Variants in ROBO2 observed in about 807,000 individuals in gnomAD.
ROBO2 encodes the protein roundabout guidance receptor 2.
A neutral mutation model predicts 160.8 loss-of-function variants in ROBO2; 53 were observed. That is an observed-to-expected ratio of 0.33 (90% CI 0.26 to 0.41). The LOEUF is 0.41. ROBO2 is among the 10% of genes least tolerant of loss of function. ROBO2 has a pLI of 1.00. For synonymous variants in ROBO2, 664 were observed against 611.7 expected, an observed-to-expected ratio of 1.09 and a Z score of -1.26; for missense variants, 1,577 against 1,722.4, an observed-to-expected ratio of 0.92 and a Z score of 1.49.
At chr3:77,558,219 A>G in intron 9 of ROBO2, 70 bp downstream of exon 10, 2 of 1,282,236 alleles carry the variant, frequency 1.6e-6, no homozygotes, top group Non-Finnish European at 2.3e-6. Context: ...AAAATTGCAT[A>G]GTGAACTTAA....
At chr3:77,428,337 ATAT>A (rs2078414371) in intron 2 of ROBO2, among the ~76,000 whole-genome samples, 1 of 128,224 alleles carries the variant, frequency 7.8e-6, no homozygotes, top group African/African-American at 3.0e-5. Context: ...AACTTAGGTA[ATAT>A]TTTTTTTTTT....
intron 1 of ROBO2, among the ~76,000 whole-genome samples, chr3:77,084,411 C>T (rs1375163239): frequency 6.6e-6 from 1 of 152,058 alleles, no homozygotes; most frequent in Non-Finnish European, 1.5e-5. Flanking sequence ...AGGCAACTTC[C>T]TACATTTTAG....
intron 2 of ROBO2, among the ~76,000 whole-genome samples, chr3:76,654,835 T>G (rs1215430764): frequency 1.6e-5 from 2 of 122,404 alleles, no homozygotes; most frequent in African/African-American, 6.2e-5. Context: ...TCCTTGATTA[T>G]AATTTTTTTA....
chr3:77,433,363 C>A (rs912503690), intron 2 of ROBO2, among the ~76,000 whole-genome samples: 3 of 151,150 alleles, frequency 2.0e-5, no homozygotes, highest in Non-Finnish European at 4.4e-5. Context: ...GTATTGTGTT[C>A]TATTATTCTA....
rs190508294 is a variant in ROBO2 at position 77,294,455 on chromosome 3, T to A, written c.389-182959T>A. On this transcript the variant is annotated intron_variant, in intron 2 of 25. Coordinates refer to ENST00000461745, the Ensembl canonical transcript of ROBO2. The stretch of plus-strand genomic sequence containing the variant: ...AGCCTAGATCCCTAAAGACATAAAG[T>A]AAAATTGACGGGTAAACGGGTAAGC... Among the ~76,000 whole-genome samples the A allele has an allele frequency of 3.9e-4, 54 of 138,438 alleles. 5 individuals carry two copies. In the East Asian group the frequency reaches 5.9e-3, roughly 15 times the overall value. 90.8% of individuals were successfully genotyped at this position (138,438 alleles called of 152,430 possible).
chr3:77,174,773 A>G (rs1243143653), intron 2 of ROBO2, among the ~76,000 whole-genome samples: 2 of 152,034 alleles, frequency 1.3e-5, no homozygotes, highest in East Asian at 1.9e-4. Flanking sequence ...TCCTTACAAT[A>G]TAAGCATACC....
intron 7 of ROBO2, among the ~76,000 whole-genome samples, chr3:77,548,777 A>G (rs2092799828): frequency 6.6e-6 from 1 of 151,738 alleles, no homozygotes; most frequent in Admixed American, 6.6e-5. Flanking sequence ...AGAGATAGAG[A>G]GGGATGTGGT....
chr3:76,214,368 G>A (rs1179355981), intron 2 of ROBO2, among the ~76,000 whole-genome samples: 2 of 152,178 alleles, frequency 1.3e-5, no homozygotes, highest in Non-Finnish European at 2.9e-5. Flanking sequence ...ACGAGGCATT[G>A]CCTCACCCAG....
At chr3:77,517,963 A>C (rs576785988) in intron 5 of ROBO2, among the ~76,000 whole-genome samples, 1 of 151,608 alleles carries the variant, frequency 6.6e-6, no homozygotes, top group South Asian at 2.1e-4. Context: ...CTCTGAATAA[A>C]GGGGATTATT....
intron 2 of ROBO2, among the ~76,000 whole-genome samples, chr3:77,209,623 G>T (rs139538827): frequency 1.8e-3 from 271 of 152,020 alleles, no homozygotes; most frequent in African/African-American, 6.0e-3. Flanking sequence ...TAATATAGTG[G>T]AAAGGACACT....
chr3:76,335,178 GTTTTTTTTTTTT>G (rs34963831), intron 2 of ROBO2, among the ~76,000 whole-genome samples: 1 of 77,894 alleles, frequency 1.3e-5, no homozygotes, highest in African/African-American at 5.0e-5. Flanking sequence ...TTTCTGTTTT[GTTTTTTTTTTTT>G]TTTTTTTTTT....
At chr3:76,249,050 A>T (rs1487695819) in intron 2 of ROBO2, among the ~76,000 whole-genome samples, 5 of 152,162 alleles carry the variant, frequency 3.3e-5, no homozygotes, top group African/African-American at 1.2e-4. Flanking sequence ...AAAAACTGGG[A>T]ATTCTTTGGA....
At chr3:77,263,451 T>G (rs1172427436) in intron 2 of ROBO2, among the ~76,000 whole-genome samples, 1 of 152,180 alleles carries the variant, frequency 6.6e-6, no homozygotes, top group Non-Finnish European at 1.5e-5. Context: ...TTCCCCTCCA[T>G]GTGTCCATGG....
At chr3:77,171,710 G>A (rs1300566664) in intron 2 of ROBO2, among the ~76,000 whole-genome samples, 1 of 152,114 alleles carries the variant, frequency 6.6e-6, no homozygotes, top group African/African-American at 2.4e-5. Flanking sequence ...TTAAATGGTG[G>A]AGTATGTTCT....
intron 16 of ROBO2, among the ~76,000 whole-genome samples, chr3:77,582,960 T>A (rs768532295): frequency 1.3e-5 from 2 of 151,620 alleles, no homozygotes; most frequent in Non-Finnish European, 2.9e-5. Flanking sequence ...GGCAACATGG[T>A]GAAACCCCAT....
At chr3:76,230,462 T>C (rs1704555330) in intron 2 of ROBO2, among the ~76,000 whole-genome samples, 1 of 152,168 alleles carries the variant, frequency 6.6e-6, no homozygotes, top group South Asian at 2.1e-4. Context: ...TGCTTTGCTT[T>C]ATGAGTGCTA....
At chr3:76,591,381 G>T (rs939626064) in intron 2 of ROBO2, among the ~76,000 whole-genome samples, 3 of 151,922 alleles carry the variant, frequency 2.0e-5, no homozygotes, top group Admixed American at 2.0e-4. Flanking sequence ...GGCATACATG[G>T]GCCTATGTAG....
chr3:77,328,142 A>T (rs2153438773), intron 2 of ROBO2, among the ~76,000 whole-genome samples: 1 of 145,054 alleles, frequency 6.9e-6, no homozygotes, highest in East Asian at 2.1e-4. Context: ...TTCCTTCCCC[A>T]CTTCCCCCAC....
chr3:77,107,675 A>G (rs1307311081), intron 2 of ROBO2, among the ~76,000 whole-genome samples: 1 of 152,124 alleles, frequency 6.6e-6, no homozygotes, highest in South Asian at 2.1e-4. Flanking sequence ...TGAGCATCCA[A>G]TTCAGGGGTC....
Sources: allele counts gnomAD v4.1 joint callset (sites outside exome capture counted in the v4.1 genomes callset), GRCh38; gene constraint gnomAD v4.1.1; transcripts MANE v1.5; gene names NCBI Gene and HGNC (gene_info 2026-07-23, HGNC 2026-07-21).